WDR1: variants seen among roughly 807,000 people sequenced by gnomAD.
The protein encoded by WDR1 is WD repeat-containing protein 1.
A neutral mutation model predicts 71.9 loss-of-function variants in WDR1; 21 were observed. That is an observed-to-expected ratio of 0.29 (90% confidence interval 0.21 to 0.42). The LOEUF (loss-of-function observed/expected upper bound fraction) is 0.42. Ranked by LOEUF, WDR1 falls within the 10% of genes least tolerant of loss-of-function variation. WDR1 has a pLI of 1.00. For missense variants in WDR1, 696 were observed against 824.5 expected (o/e 0.84, Z 1.91); for synonymous variants, 424 against 347.4 (o/e 1.22, Z -2.45).
intron 8 of WDR1, among the ~76,000 whole-genome samples, chr4:10,086,059 G>A (rs1711529466): frequency 1.3e-5 from 2 of 152,228 alleles, no homozygotes; most frequent in Non-Finnish European, 2.9e-5. Flanking sequence ...ACAGAAACGG[G>A]ACGGCAGACC....
At chr4:10,106,438 G>C (rs1168195533) in intron 2 of WDR1, 1 of 152,272 alleles carries the variant, frequency 6.6e-6, no homozygotes, top group Non-Finnish European at 1.5e-5. Context: ...CAGCTGACTG[G>C]GGATGGGGGA....
intron 8 of WDR1, among the ~76,000 whole-genome samples, chr4:10,087,490 G>C (rs1172205108): frequency 6.6e-6 from 1 of 152,354 alleles, no homozygotes; most frequent in East Asian, 1.9e-4. Flanking sequence ...AGTAGCTCAA[G>C]GGGAACTTGG....
At chr4:10,107,779 C>G (rs1426669297) in intron 2 of WDR1, among the ~76,000 whole-genome samples, 1 of 152,182 alleles carries the variant, frequency 6.6e-6, no homozygotes, top group East Asian at 1.9e-4. Flanking sequence ...AGCCAGCAAT[C>G]AAGGAGTCAC....
Position 10,077,522 on chromosome 4 carries a change from C to A in WDR1, c.1570-74G>T, listed in dbSNP as rs540004623. The A allele has an allele frequency of 6.3e-6, 10 of 1,598,744 alleles. No homozygotes were observed. The East Asian group carries it at 1.8e-4, about 29-fold the overall frequency. On this transcript the variant is annotated intron_variant, in intron 13 of 14. Coordinates refer to ENST00000499869, the MANE Select transcript of WDR1 (RefSeq NM_017491.5). ...CAGTTGCCCATATCACCTCGCTTAT[C>A]CCTCATGGCGACAATAAGGACCGAG...
chr4:10,088,214 C>A, intron 7 of WDR1, 79 bp downstream of exon 7: 2 of 1,373,486 alleles, frequency 1.5e-6, no homozygotes, highest in Non-Finnish European at 2.0e-6. Flanking sequence ...TTGTCTAACT[C>A]CGGAGTGAGT....
chr4:10,091,960 GCAC>G (rs1712019162), intron 5 of WDR1: 1 of 152,370 alleles, frequency 6.6e-6, no homozygotes, highest in African/African-American at 2.4e-5. Flanking sequence ...AGGGGTGTAT[GCAC>G]CACTACTCCT....
intron 2 of WDR1, among the ~76,000 whole-genome samples, chr4:10,105,568 A>G (rs1448310782): frequency 6.6e-6 from 1 of 152,200 alleles, no homozygotes; most frequent in Admixed American, 6.5e-5. Context: ...ACTACAACAG[A>G]ATACCACTCC....
At position 10,116,679 on chromosome 4, in the gene WDR1, G is replaced by T. The variant is rs1713762515; in HGVS notation, c.-13C>A. Reference sequence around the variant, plus strand: ...TCTCGTACGGCATCCTCGCCCACTTGTTACCGCGCCGCGCTCGCCGAGAGC... The same window carrying T: ...TCTCGTACGGCATCCTCGCCCACTTTTTACCGCGCCGCGCTCGCCGAGAGC... On this transcript the variant is annotated 5_prime_UTR_variant, in exon 1 of 15. Coordinates refer to ENST00000499869, the MANE Select transcript of WDR1 (RefSeq NM_017491.5). The T allele has an allele frequency of 7.4e-7, 1 of 1,351,010 alleles. No individual in the cohort carries two copies. Among genetic ancestry groups the T allele is most frequent in the African/African-American group, 1.5e-5 (1 of 66,066 alleles). 83.7% of individuals were successfully genotyped at this position (1,351,010 alleles called of 1,614,324 possible). A position where few individuals can be genotyped will look rare whatever the true frequency, so the allele number is the denominator to read the frequency against.
chr4:10,080,002 C>G (rs183838490), intron 11 of WDR1, among the ~76,000 whole-genome samples: 211 of 152,298 alleles, frequency 1.4e-3, no homozygotes, highest in African/African-American at 4.9e-3. Flanking sequence ...ACAGGGAGCT[C>G]TGCAGAAAAT....
intron 3 of WDR1, among the ~76,000 whole-genome samples, chr4:10,103,561 A>G (rs909789118): frequency 1.3e-5 from 2 of 152,088 alleles, no homozygotes; most frequent in Non-Finnish European, 2.9e-5. Flanking sequence ...CACTAATACT[A>G]TCGATAGCTG....
At chr4:10,101,626 T>C (rs1466838385) in intron 3 of WDR1, among the ~76,000 whole-genome samples, 1 of 152,256 alleles carries the variant, frequency 6.6e-6, no homozygotes. Flanking sequence ...CACTTATTTA[T>C]GTGGTCTGTC....
chr4:10,112,537 T>C (rs1385807538), intron 2 of WDR1, among the ~76,000 whole-genome samples: 2 of 152,210 alleles, frequency 1.3e-5, no homozygotes, highest in Admixed American at 6.5e-5. Flanking sequence ...ACACCCTTTT[T>C]CTACAAGTTT....
intron 8 of WDR1, 54 bp from the exon 9 acceptor site, chr4:10,084,584 T>C (rs1282051444): frequency 6.5e-7 from 1 of 1,543,716 alleles, no homozygotes; most frequent in East Asian, 2.3e-5. Flanking sequence ...CCCTGCCCTC[T>C]GCCACCCGCT....
chr4:10,115,287 C>A (rs1454119797), intron 2 of WDR1, among the ~76,000 whole-genome samples: 2 of 152,244 alleles, frequency 1.3e-5, no homozygotes, highest in African/African-American at 4.8e-5. Context: ...GACTGACAGA[C>A]TGGGTCACCC....
intron 10 of WDR1, 28 bp from the exon 11 acceptor site, chr4:10,081,472 T>G: frequency 2.5e-6 from 4 of 1,606,814 alleles, no homozygotes; most frequent in Non-Finnish European, 3.4e-6. Context: ...AGCACATTAC[T>G]TCGACAATGC....
In WDR1 at chr4:10,075,677, G is replaced by T. The variant is rs968362898; in HGVS notation, c.1715-193C>A. ...TCTCCACGTGACACTCCTGAACCCC[G>T]GGGCCGGGTACCTCTTTTTTGTGTG... On this transcript the variant is annotated intron_variant, in intron 14 of 14. Transcript: ENST00000499869. The T allele has an allele frequency of 1.5e-5, 9 of 604,998 alleles. No homozygotes were observed. The Admixed American group carries it at 2.5e-4, about 17-fold the overall frequency. 37.5% of individuals were successfully genotyped at this position (604,998 alleles called of 1,614,324 possible). A position where few individuals can be genotyped will look rare whatever the true frequency, so the allele number is the denominator to read the frequency against.
In WDR1 at chr4:10,111,988, C is replaced by T. The variant is rs567740005; in HGVS notation, c.138+4125G>A. Among the ~76,000 whole-genome samples, 5 of 152,186 alleles carry T rather than the reference C, an allele frequency of 3.3e-5. No homozygotes were observed. The East Asian group carries it at 9.6e-4, about 29-fold the overall frequency. On this transcript the variant is annotated intron_variant, in intron 2 of 14. Transcript: ENST00000499869. Reference sequence around the variant, plus strand: ...GATACTTTAAAAACCAGGCCCCAAACTTGCCTGCATAGCAAATCTGCTGGC... The same window carrying T: ...GATACTTTAAAAACCAGGCCCCAAATTTGCCTGCATAGCAAATCTGCTGGC...
rs115299967 is a variant in WDR1, at chr4:10,079,775, C to A, written c.1285-774G>T. Among the ~76,000 whole-genome samples, 841 of 152,258 alleles carry A rather than the reference C, an allele frequency of 5.5e-3. 6 individuals carry two copies. The highest frequency in any genetic ancestry group is 0.019 in the African/African-American group (809 of 41,544). Reference sequence around the variant, plus strand: ...GTTTCTGCGTGGATTGTGGGTGGATCGCGATGAATGGTAGCAGCACCCTGA... The same window carrying A: ...GTTTCTGCGTGGATTGTGGGTGGATAGCGATGAATGGTAGCAGCACCCTGA... On this transcript the variant is annotated intron_variant, in intron 11 of 14. Transcript: ENST00000499869.
rs541696431 is a variant in WDR1 at position 10,089,262 on chromosome 4, C to A, written c.559-521G>T. On this transcript the variant is annotated intron_variant, in intron 5 of 14. Transcript: ENST00000499869. The stretch of plus-strand genomic sequence containing the variant: ...TAGCTGGGACGACAGGTGCCCGCCA[C>A]CACGCCTGGCTAATTTCTGTATTTT... Among the ~76,000 whole-genome samples the A allele has an allele frequency of 1.6e-4, 25 of 152,332 alleles. No individual in the cohort carries two copies. The South Asian group carries it at 2.7e-3, about 16-fold the overall frequency.
Sources: allele counts gnomAD v4.1 joint callset (sites outside exome capture counted in the v4.1 genomes callset), GRCh38; gene constraint gnomAD v4.1.1; transcripts MANE v1.5; gene names NCBI Gene and HGNC (gene_info 2026-07-23, HGNC 2026-07-21).